Variants in HMGCLL1 observed in about 807,000 individuals in gnomAD.
The protein encoded by HMGCLL1 is 3-hydroxymethyl-3-methylglutaryl-CoA lyase, cytoplasmic.
HMGCLL1 carries 36 observed loss-of-function variants against 39.1 expected under a neutral mutation model. The ratio of observed to expected loss-of-function variants is 0.92; its 90% CI spans 0.71 to 1.22. The LOEUF (loss-of-function observed/expected upper bound fraction) is 1.22. Among genes scored for constraint, HMGCLL1 ranks in the 50% most tolerant of loss-of-function variants. The pLI, the probability that HMGCLL1 is intolerant of heterozygous loss-of-function variation, is 0.00. For synonymous variants in HMGCLL1, 149 were observed against 144.0 expected (o/e 1.03, Z -0.25); for missense variants, 451 against 416.5 (o/e 1.08, Z -0.72).
chr6:55,443,047 C>G (rs1258677904), intron 7 of HMGCLL1, among the ~76,000 whole-genome samples: 3 of 77,430 alleles, frequency 3.9e-5, no homozygotes, highest in African/African-American at 2.0e-4. Context: ...GAGCCCTTTT[C>G]AAATGACTAA....
rs576497455 is a variant in HMGCLL1 at position 55,556,798 on chromosome 6, C to T, written c.109-14658G>A. On this transcript the variant is annotated intron_variant, in intron 1 of 8. Transcript: ENST00000274901. ...TTTGGGTACGAGGGCCAAGTGGAGA[C>T]GCTGAGAGTACATTAACTTTTCACC... Among the ~76,000 whole-genome samples the T allele has an allele frequency of 1.6e-3, 237 of 152,154 alleles. 1 individual carries two copies. Among genetic ancestry groups the T allele is most frequent in the Non-Finnish European group, 1.1e-3 (73 of 67,992 alleles).
chr6:55,448,175 A>T (rs528680798), intron 7 of HMGCLL1, among the ~76,000 whole-genome samples: 31 of 152,162 alleles, frequency 2.0e-4, no homozygotes, highest in African/African-American at 7.2e-4. Context: ...TCAAGGATGA[A>T]TATTTTTTGT....
Position 55,525,176 on chromosome 6 carries a change from C to T in HMGCLL1, c.298-8573G>A, listed in dbSNP as rs568024498. On this transcript the variant is annotated intron_variant, in intron 3 of 8. Coordinates refer to ENST00000274901, the MANE Select transcript of HMGCLL1 (RefSeq NM_001042406.2). The stretch of plus-strand genomic sequence containing the variant: ...CAGACTTGGTCTATGCTGGTCTATG[C>T]GACACCCACCGGGATATGGAATCAG... Among the ~76,000 whole-genome samples the T allele has an allele frequency of 6.1e-5, 9 of 146,958 alleles. No homozygotes were observed. In the South Asian group the frequency reaches 6.5e-4, roughly 11 times the overall value.
At chr6:55,621,378 A>G in the HMGCLL1 span, among the ~76,000 whole-genome samples, 1 of 152,154 alleles carries the variant, frequency 6.6e-6, no homozygotes, top group Non-Finnish European at 1.5e-5. Context: ...GGGCAACACA[A>G]CGGGTGGTGA....
At chr6:55,606,079 G>A in the HMGCLL1 span, among the ~76,000 whole-genome samples, 1 of 152,062 alleles carries the variant, frequency 6.6e-6, no homozygotes, top group African/African-American at 2.4e-5. Context: ...ATTCTCCTGT[G>A]TACTTCTATT....
chr6:55,667,976 C>T, the HMGCLL1 span, among the ~76,000 whole-genome samples: 4 of 151,528 alleles, frequency 2.6e-5, no homozygotes, highest in African/African-American at 9.7e-5. Flanking sequence ...TTTGAATGCC[C>T]TGACTATGCT....
At chr6:55,625,000 C>T in the HMGCLL1 span, among the ~76,000 whole-genome samples, 40 of 152,198 alleles carry the variant, frequency 2.6e-4, no homozygotes, top group East Asian at 7.4e-3. Flanking sequence ...CCACTTGAGC[C>T]ACATGACCCA....
intron 7 of HMGCLL1, among the ~76,000 whole-genome samples, chr6:55,460,763 C>G (rs1022711426): frequency 6.6e-6 from 1 of 151,862 alleles, no homozygotes; most frequent in Admixed American, 6.6e-5. Flanking sequence ...GTAAGGGGGA[C>G]AGTATTATTC....
intron 8 of HMGCLL1, among the ~76,000 whole-genome samples, chr6:55,438,250 A>T (rs1763449599): frequency 6.6e-6 from 1 of 152,064 alleles, no homozygotes; most frequent in Non-Finnish European, 1.5e-5. Flanking sequence ...AAAATAGGCA[A>T]TAGCTTTTGG....
the HMGCLL1 span, among the ~76,000 whole-genome samples, chr6:55,635,489 G>T: frequency 8.6e-4 from 131 of 152,146 alleles, no homozygotes; most frequent in African/African-American, 3.1e-3. Flanking sequence ...AAGGGATTAA[G>T]TTTCATATGT....
At chr6:55,541,898 A>T (rs1769460754) in intron 2 of HMGCLL1, 62 bp from the exon 3 acceptor site, 1 of 1,072,892 alleles carries the variant, frequency 9.3e-7, no homozygotes, top group Admixed American at 2.2e-5. Flanking sequence ...CACAAACAGA[A>T]AATTACTTCC....
the HMGCLL1 span, among the ~76,000 whole-genome samples, chr6:55,675,514 T>C: frequency 1.3e-5 from 2 of 152,136 alleles, no homozygotes; most frequent in Admixed American, 6.6e-5. Context: ...ATGTCAATGA[T>C]TGATTCTTTT....
At chr6:55,515,930 G>A (rs747026962) in intron 4 of HMGCLL1, among the ~76,000 whole-genome samples, 3 of 151,582 alleles carry the variant, frequency 2.0e-5, no homozygotes, top group Non-Finnish European at 4.4e-5. Context: ...GCCCATATAC[G>A]GATAACACCT....
At chr6:55,629,047 G>A in the HMGCLL1 span, among the ~76,000 whole-genome samples, 18 of 152,244 alleles carry the variant, frequency 1.2e-4, no homozygotes, top group African/African-American at 3.6e-4. Context: ...ACCTAAAAAC[G>A]TGGAAGCGAC....
intron 7 of HMGCLL1, among the ~76,000 whole-genome samples, chr6:55,486,126 C>T (rs1425152479): frequency 6.7e-6 from 1 of 148,932 alleles, no homozygotes; most frequent in African/African-American, 2.5e-5. Context: ...TATATATAGT[C>T]TATGAATATA....
chr6:55,455,127 AAG>A (rs1320085532), intron 7 of HMGCLL1, among the ~76,000 whole-genome samples: 24 of 151,986 alleles, frequency 1.6e-4, no homozygotes. Flanking sequence ...AAAAATAAAA[AAG>A]TATAGAATAT....
chr6:55,629,221 T>C, the HMGCLL1 span, among the ~76,000 whole-genome samples: 2 of 152,278 alleles, frequency 1.3e-5, no homozygotes, highest in Admixed American at 1.3e-4. Context: ...TGGTCTCAGA[T>C]GGAGATAAGA....
chr6:55,516,638 C>T (rs1767755449), intron 3 of HMGCLL1, 35 bp from the exon 4 acceptor site: 1 of 1,350,280 alleles, frequency 7.4e-7, no homozygotes, highest in Admixed American at 1.7e-5. Context: ...AAATGTGTAA[C>T]TTCGAATATG....
rs942700628 is a variant in HMGCLL1 at position 55,579,158 on chromosome 6, C to G, written c.-103G>C. The G allele has an allele frequency of 2.4e-6, 2 of 843,120 alleles. No homozygotes were observed. Among genetic ancestry groups the G allele is most frequent in the East Asian group, 2.7e-5 (1 of 37,696 alleles). 52.2% of individuals were successfully genotyped at this position (843,120 alleles called of 1,614,324 possible). A position where few individuals can be genotyped will look rare whatever the true frequency, so the allele number is the denominator to read the frequency against. On this transcript the variant is annotated 5_prime_UTR_variant, in exon 1 of 9. Transcript: ENST00000274901. The stretch of plus-strand genomic sequence containing the variant: ...GCGCCAGCTCGGGAGCGCGCCCCTC[C>G]GGTGCACTGGCTGTGAGGACCAGAG...
Sources: allele counts gnomAD v4.1 joint callset (sites outside exome capture counted in the v4.1 genomes callset), GRCh38; gene constraint gnomAD v4.1.1; transcripts MANE v1.5; gene names NCBI Gene and HGNC (gene_info 2026-07-23, HGNC 2026-07-21).